Variants in CATSPERE observed in about 807,000 individuals in gnomAD.
CATSPERE encodes the protein cation channel sperm-associated auxiliary subunit epsilon.
CATSPERE carries 93 observed loss-of-function variants against 114.1 expected under a neutral mutation model. That is an observed-to-expected ratio of 0.81 (90% CI 0.69 to 0.97). CATSPERE has a LOEUF of 0.97. CATSPERE is among the 50% of genes least tolerant of loss of function. The pLI is 0.00. For missense variants in CATSPERE, 1,058 were observed against 1,131.6 expected (o/e 0.93, Z 0.93); for synonymous variants, 341 against 384.1 (o/e 0.89, Z 1.31).
At chr1:244,615,602 T>C (rs1293479467) in intron 19 of CATSPERE, among the ~76,000 whole-genome samples, 2 of 151,874 alleles carry the variant, frequency 1.3e-5, no homozygotes, top group Non-Finnish European at 2.9e-5. Flanking sequence ...ATTTGTGCAA[T>C]AGGAATTTTT....
intron 20 of CATSPERE, among the ~76,000 whole-genome samples, chr1:244,621,084 A>AATATATATAAATATATATAAAATATATAT (rs1672114693): frequency 1.4e-5 from 1 of 69,252 alleles, no homozygotes; most frequent in African/African-American, 6.0e-5. Context: ...TATATATATA[A>AATATATATAAATATATATAAAATATATAT]ATATATATAA....
intron 8 of CATSPERE, among the ~76,000 whole-genome samples, chr1:244,533,363 T>C (rs898961701): frequency 6.6e-5 from 10 of 152,130 alleles, no homozygotes; most frequent in Non-Finnish European, 1.5e-4. Flanking sequence ...TCCAGTGTTA[T>C]TATTGATAAG....
At chr1:244,533,908 T>C (rs1372484358) in intron 8 of CATSPERE, among the ~76,000 whole-genome samples, 2 of 152,054 alleles carry the variant, frequency 1.3e-5, no homozygotes, top group Non-Finnish European at 2.9e-5. Context: ...TCTTTTAAAT[T>C]CAATAACTCC....
chr1:244,578,675 C>T (rs1399501855), intron 11 of CATSPERE, among the ~76,000 whole-genome samples: 2 of 151,082 alleles, frequency 1.3e-5, no homozygotes, highest in African/African-American at 4.9e-5. Context: ...AGCTCTCTCT[C>T]TCTGTCTCTC....
chr1:244,466,209 T>C lies in CATSPERE; in HGVS notation c.114+2253T>C, dbSNP rs138093749. 2.7e-3 allele frequency among the ~76,000 whole-genome samples: 410 copies of C among 152,330 alleles called. 1 individual carries two copies. The highest frequency in any genetic ancestry group is 9.4e-3 in the African/African-American group (391 of 41,572). On this transcript the variant is annotated intron_variant, in intron 2 of 21. Transcript: ENST00000366534. ...GTACCAATGTAGTAGTTCAATATGC[T>C]CTCAGGGACTATTGTTAATATTTTA... is the stretch of plus-strand genomic sequence containing the variant.
At chr1:244,551,849 G>A (rs1195617509) in intron 8 of CATSPERE, among the ~76,000 whole-genome samples, 1 of 152,010 alleles carries the variant, frequency 6.6e-6, no homozygotes, top group African/African-American at 2.4e-5. Context: ...CGGATCACGA[G>A]GTCAGGAGAT....
In CATSPERE at chr1:244,486,520, A is replaced by G. The variant is rs113400100; in HGVS notation, c.327-3927A>G. On this transcript the variant is annotated intron_variant, in intron 5 of 21. Coordinates refer to ENST00000366534, the MANE Select transcript of CATSPERE (RefSeq NM_001130957.2). Reference sequence around the variant, plus strand: ...TCGTGGGCCAGGTGTAGACCCTCGTAGTCACCTGGTGGGTGGTCCAGCATG... The same window carrying G: ...TCGTGGGCCAGGTGTAGACCCTCGTGGTCACCTGGTGGGTGGTCCAGCATG... Among the ~76,000 whole-genome samples the G allele has an allele frequency of 1.7e-4, 25 of 143,454 alleles. No individual in the cohort carries two copies. The East Asian group carries it at 5.3e-3, about 31-fold the overall frequency. The allele number at this position is 143,454 out of a possible 152,430, so 94.1% of individuals were successfully genotyped here.
intron 7 of CATSPERE, among the ~76,000 whole-genome samples, chr1:244,516,449 G>A (rs976417765): frequency 7.2e-5 from 11 of 152,046 alleles, no homozygotes; most frequent in Non-Finnish European, 1.5e-4. Context: ...CTGGGTTCAC[G>A]TGATCCTCCT....
intron 8 of CATSPERE, among the ~76,000 whole-genome samples, chr1:244,535,512 C>T (rs1340492317): frequency 6.6e-6 from 1 of 152,188 alleles, no homozygotes; most frequent in Non-Finnish European, 1.5e-5. Context: ...TTTTCACAGA[C>T]AGCGGAGTCT....
chr1:244,473,486 G>T (rs967773410), intron 2 of CATSPERE, among the ~76,000 whole-genome samples: 1 of 151,982 alleles, frequency 6.6e-6, no homozygotes, highest in Admixed American at 6.6e-5. Context: ...GAGTTTTTTT[G>T]TGTATTCTGG....
In CATSPERE at chr1:244,591,795, A is replaced by G. The variant is rs866661694; in HGVS notation, c.2189+64A>G. ...AACGTAGTACCAATACTTTACAATCAGTACTTATTCAGTGGATTATTATTA... is the reference window on the plus strand; with the variant it reads ...AACGTAGTACCAATACTTTACAATCGGTACTTATTCAGTGGATTATTATTA... On this transcript the variant is annotated intron_variant, in intron 15 of 21. Transcript: ENST00000366534. The G allele has an allele frequency of 8.9e-6, 9 of 1,008,918 alleles. No individual in the cohort carries two copies. The Middle Eastern group carries it at 1.7e-3, about 186-fold the overall frequency. 62.5% of individuals were successfully genotyped at this position (1,008,918 alleles called of 1,614,324 possible).
chr1:244,525,953 C>T (rs1419309581), intron 8 of CATSPERE, among the ~76,000 whole-genome samples: 2 of 152,186 alleles, frequency 1.3e-5, no homozygotes, highest in Non-Finnish European at 2.9e-5. Context: ...TTTTTCCAAC[C>T]TTCTTCTCCA....
At chr1:244,620,646 C>G (rs922877060) in intron 20 of CATSPERE, among the ~76,000 whole-genome samples, 3 of 152,012 alleles carry the variant, frequency 2.0e-5, no homozygotes, top group Admixed American at 2.0e-4. Flanking sequence ...TACAATATGA[C>G]AGATTTAGTG....
At chr1:244,590,704 C>G (rs553013365) in intron 14 of CATSPERE, among the ~76,000 whole-genome samples, 32 of 152,302 alleles carry the variant, frequency 2.1e-4, no homozygotes, top group Admixed American at 2.0e-3. Context: ...CAACATATGA[C>G]CTTTTGTGTC....
At position 244,477,141 on chromosome 1, in the gene CATSPERE, G is replaced by A. The variant is rs146140767; in HGVS notation, c.115-400G>A. ...CTCCTGAGTAGCAGGGATTACAGGCGCGTGCCACCACGCCCAGCTAATTTT... is the reference window on the plus strand; with the variant it reads ...CTCCTGAGTAGCAGGGATTACAGGCACGTGCCACCACGCCCAGCTAATTTT... On this transcript the variant is annotated intron_variant, in intron 2 of 21. Coordinates refer to ENST00000366534, the MANE Select transcript of CATSPERE (RefSeq NM_001130957.2). Among the ~76,000 whole-genome samples the A allele has an allele frequency of 1.8e-3, 277 of 152,116 alleles. 4 individuals are homozygous for A. In the East Asian group the frequency reaches 0.038, roughly 21 times the overall value.
At chr1:244,632,898 C>T (rs981490574) in intron 20 of CATSPERE, among the ~76,000 whole-genome samples, 5 of 151,870 alleles carry the variant, frequency 3.3e-5, no homozygotes, top group Non-Finnish European at 7.4e-5. Flanking sequence ...CTACCAGTAA[C>T]CTATATTAAA....
At chr1:244,520,608 T>A (rs1677376177) in intron 8 of CATSPERE, among the ~76,000 whole-genome samples, 5 of 152,158 alleles carry the variant, frequency 3.3e-5, no homozygotes. Context: ...TACACACAGC[T>A]GTGTGGAGTC....
intron 19 of CATSPERE, among the ~76,000 whole-genome samples, chr1:244,615,793 G>A (rs989510044): frequency 1.3e-5 from 2 of 151,878 alleles, no homozygotes; most frequent in East Asian, 3.9e-4. Flanking sequence ...AATCAGAACT[G>A]TACCTCGCAT....
At chr1:244,561,198 T>C (rs899572660) in intron 10 of CATSPERE, 53 bp downstream of exon 10, 3 of 1,263,130 alleles carry the variant, frequency 2.4e-6, no homozygotes, top group Non-Finnish European at 3.3e-6. Context: ...ATAGACATCT[T>C]CCTTATAATG....
Sources: allele counts gnomAD v4.1 joint callset (sites outside exome capture counted in the v4.1 genomes callset), GRCh38; gene constraint gnomAD v4.1.1; transcripts MANE v1.5; gene names NCBI Gene and HGNC (gene_info 2026-07-23, HGNC 2026-07-21).